The following CPT1C variants were observed in gnomAD, a reference collection of about 807,000 sequenced individuals.
CPT1C encodes palmitoyl thioesterase CPT1C.
Under a neutral mutation model 97.3 loss-of-function variants are expected in CPT1C, and 61 were observed. That is an observed-to-expected ratio of 0.63 (90% CI 0.51 to 0.78). CPT1C has a LOEUF of 0.78. CPT1C is among the 30% of genes least tolerant of loss of function. The pLI, the probability that CPT1C is intolerant of heterozygous loss-of-function variation, is 0.00. For synonymous variants in CPT1C, 469 were observed against 447.2 expected, an observed-to-expected ratio of 1.05 and a Z score of -0.61; for missense variants, 975 against 1,065.5, an observed-to-expected ratio of 0.92 and a Z score of 1.18.
chr19:49,710,395 T>G lies in CPT1C; in HGVS notation c.1642T>G (p.Phe548Val). ...SENVDCHVVP[F>V]SLFGKSFIRR... ...AAATGTCGACTGCCATGTCGTTCCA[T>G]TCTCCCTATTTGGCAAGAGCTTCAT... is the stretch of plus-strand genomic sequence containing the variant. The change falls in exon 15 of 20, where the codon TTC (phenylalanine) becomes GTC (valine). Residue 548 changes from phenylalanine to valine, a missense_variant. Physicochemically the swap from Phe to Val is conservative, Grantham distance 50. Coordinates refer to ENST00000598293, the MANE Select transcript of CPT1C (RefSeq NM_001199753.2). 6.2e-7 allele frequency: 1 copy of G among 1,614,170 alleles called. No individual in the cohort carries two copies. The highest frequency in any genetic ancestry group is 1.1e-5 in the South Asian group (1 of 91,086).
intron 8 of CPT1C, 29 bp downstream of exon 8, chr19:49,704,816 GCC>G: frequency 6.2e-7 from 1 of 1,601,362 alleles, no homozygotes; most frequent in Non-Finnish European, 8.6e-7. Flanking sequence ...AGGTTCATAG[GCC>G]CCAGGTCTAG....
At chr19:49,702,085 A>ATATTTATTTATAAATTATAAATATT (rs2083177828) in intron 7 of CPT1C, among the ~76,000 whole-genome samples, 4 of 98,034 alleles carry the variant, frequency 4.1e-5, no homozygotes, top group Non-Finnish European at 6.8e-5. Context: ...TTATAAATAT[A>ATATTTATTTATAAATTATAAATATT]TATTTATTTA....
rs185242521 is a variant in CPT1C, at chr19:49,713,731, G to A, written c.*126G>A. The stretch of plus-strand genomic sequence containing the variant: ...AGGCCAATAAAGATGTGTGAGCTGG[G>A]TGTGTGGTGTCTGCTATGCTCTTGG... On this transcript the variant is annotated 3_prime_UTR_variant, in exon 20 of 20. Coordinates refer to ENST00000598293, the MANE Select transcript of CPT1C (RefSeq NM_001199753.2). 156 of 867,210 alleles carry A rather than the reference G, an allele frequency of 1.8e-4. No homozygotes were observed. The African/African-American group carries it at 2.5e-3, about 14-fold the overall frequency. The allele number at this position is 867,210 out of a possible 1,614,324, so 53.7% of individuals were successfully genotyped here. A position where few individuals can be genotyped will look rare whatever the true frequency, so the allele number is the denominator to read the frequency against.
At chr19:49,701,251 AC>A in intron 5 of CPT1C, 65 bp from the exon 6 acceptor site, 1 of 1,379,024 alleles carries the variant, frequency 7.3e-7, no homozygotes. Context: ...CCCACTGTCG[AC>A]CCCTGCCCCG....
Position 49,711,875 on chromosome 19 carries a change from A to G in CPT1C, c.1933A>G (p.Met645Val). ...GCACCAGGCTCTGCTGAAGGCAGCC[A>G]TGAGCGGGCAGGGAGTTGACCGCCA... ...DKHQALLKAAMSGQGVDRHLF... is the reference protein window; with the variant it reads ...DKHQALLKAAVSGQGVDRHLF... The change falls in exon 17 of 20, where the codon ATG becomes GTG. Residue 645 changes from methionine to valine, a missense_variant. Met to Val is a conservative substitution (Grantham distance 21). Around this residue, in one of 3 missense-constraint regions of CPT1C, gnomAD observed 344 missense variants for 395.7 expected, o/e 0.87. Transcript: ENST00000598293. 6.2e-7 allele frequency: 1 copy of G among 1,614,124 alleles called. No homozygotes were observed. The highest frequency in any genetic ancestry group is 8.5e-7 in the Non-Finnish European group (1 of 1,180,034).
chr19:49,695,586 T>A (rs1422488472), intron 3 of CPT1C, among the ~76,000 whole-genome samples: 1 of 34,386 alleles, frequency 2.9e-5, no homozygotes, highest in Non-Finnish European at 4.6e-5. Context: ...CACCTGGCCT[T>A]TTTTTTTTTT....
chr19:49,700,660 C>A lies in CPT1C; in HGVS notation c.282-24C>A, dbSNP rs559905370. 1.6e-5 allele frequency: 26 copies of A among 1,601,890 alleles called. No individual in the cohort carries two copies. In the East Asian group the frequency reaches 5.4e-4, roughly 33 times the overall value. ...GTTCTGAGGCCAGGAGACCCAGGCCCAGCCTCTGTTTCTCTCCCCGCAGGG... is the reference window on the plus strand; with the variant it reads ...GTTCTGAGGCCAGGAGACCCAGGCCAAGCCTCTGTTTCTCTCCCCGCAGGG... On this transcript the variant is annotated intron_variant, in intron 4 of 19. Coordinates refer to ENST00000598293, the MANE Select transcript of CPT1C (RefSeq NM_001199753.2).
chr19:49,707,642 C>T lies in CPT1C; in HGVS notation c.1449+19C>T. ...GTGGGAGGTAGGGCGGCCAGCCCTC[C>T]CTGGTTCTGGGGACCCCTGCCCCAT... On this transcript the variant is annotated intron_variant, in intron 13 of 19. Coordinates refer to ENST00000598293, the MANE Select transcript of CPT1C (RefSeq NM_001199753.2). 6.4e-7 allele frequency: 1 copy of T among 1,567,772 alleles called. No homozygotes were observed. The highest frequency in any genetic ancestry group is 8.7e-7 in the Non-Finnish European group (1 of 1,144,966).
chr19:49,712,694 G>A, intron 17 of CPT1C, 42 bp from the exon 18 acceptor site: 1 of 1,454,062 alleles, frequency 6.9e-7, no homozygotes, highest in Non-Finnish European at 9.7e-7. Context: ...GGCCGGAACT[G>A]CAGATCTCTG....
At chr19:49,698,538 C>T (rs374697463) in intron 4 of CPT1C, among the ~76,000 whole-genome samples, 17 of 151,808 alleles carry the variant, frequency 1.1e-4, no homozygotes, top group African/African-American at 3.9e-4. Flanking sequence ...TGGTGCGCGC[C>T]TGTAGTCCCA....
chr19:49,702,082 T>TAAATATATTTATTTATAATTTATAAATAA (rs1455168549), intron 7 of CPT1C, among the ~76,000 whole-genome samples: 1 of 87,668 alleles, frequency 1.1e-5, no homozygotes, highest in Non-Finnish European at 2.1e-5. Flanking sequence ...AAATTATAAA[T>TAAATATATTTATTTATAATTTATAAATAA]ATATATTTAT....
intron 14 of CPT1C, among the ~76,000 whole-genome samples, chr19:49,709,714 C>T (rs2083732185): frequency 6.6e-6 from 1 of 151,834 alleles, no homozygotes; most frequent in Admixed American, 6.6e-5. Context: ...ACTACCACAC[C>T]CGGCTAAATT....
rs1399660392 is a variant in CPT1C at position 49,705,947 on chromosome 19, G to A, written c.1003G>A (p.Val335Ile). Residue 335 changes from valine (V) to isoleucine (I), a missense_variant, in exon 11 of 20, where the codon GTC (valine) becomes ATC (isoleucine). By Grantham distance (29) the Val-to-Ile change is conservative. Around this residue, in one of 3 missense-constraint regions of CPT1C, gnomAD observed 596 missense variants for 603.1 expected, o/e 0.99. Coordinates refer to ENST00000598293, the MANE Select transcript of CPT1C (RefSeq NM_001199753.2). ...CCTCCATGACAGCCAACACGTGGCT[G>A]TCTTCCACCGGGGCCGATTCTTCCG... Reference protein sequence around the residue: ...RHLHDSQHVAVFHRGRFFRMG... With the variant: ...RHLHDSQHVAIFHRGRFFRMG... 1 of 1,613,888 alleles carries A rather than the reference G, an allele frequency of 6.2e-7. No individual in the cohort carries two copies. The highest frequency in any genetic ancestry group is 2.2e-5 in the East Asian group (1 of 44,888).
At chr19:49,710,582 T>C in intron 15 of CPT1C, 98 bp downstream of exon 15, 1 of 1,572,760 alleles carries the variant, frequency 6.4e-7, no homozygotes. Context: ...GCTGCCATTG[T>C]GGGTCGGCCA....
intron 3 of CPT1C, among the ~76,000 whole-genome samples, chr19:49,694,044 G>A (rs1297393964): frequency 2.7e-5 from 4 of 150,802 alleles, no homozygotes; most frequent in South Asian, 2.1e-4. Context: ...CAGCCTGGGC[G>A]ACAGAGCGAG....
At chr19:49,711,542 C>G (rs11666611) in intron 16 of CPT1C, 8 of 508,020 alleles carry the variant, frequency 1.6e-5, no homozygotes, top group African/African-American at 1.3e-4. Context: ...CACCTAGCCC[C>G]GCACCTACAA....
intron 17 of CPT1C, chr19:49,712,440 G>A (rs947722655): frequency 9.5e-6 from 4 of 422,478 alleles, no homozygotes; most frequent in South Asian, 8.6e-5. Flanking sequence ...GAGAGGCAAC[G>A]GGACAACGGG....
At chr19:49,691,644 C>CTAATG (rs1451242947) in intron 1 of CPT1C, 177 bp from the exon 2 acceptor site, 1 of 152,462 alleles carries the variant, frequency 6.6e-6, no homozygotes, top group African/African-American at 2.4e-5. Context: ...GGGTCTAAAA[C>CTAATG]TAATGCTTTT....
intron 12 of CPT1C, among the ~76,000 whole-genome samples, chr19:49,707,122 A>G (rs1352113044): frequency 2.0e-5 from 3 of 152,080 alleles, no homozygotes; most frequent in Non-Finnish European, 2.9e-5. Context: ...TAAAAATGCA[A>G]AAATTAGCTG....
Sources: gnomAD v4.1 joint callset for allele counts (sites outside exome capture counted in the v4.1 genomes callset) on GRCh38, gnomAD v4.1.1 for gene constraint, gnomAD v4.1.1 regional missense constraint, MANE v1.5 for transcripts, NCBI Gene and HGNC (gene_info 2026-07-23, HGNC 2026-07-21) for gene names.